The following GALNTL6 variants were observed in gnomAD, a reference collection of about 807,000 sequenced individuals.
The protein encoded by GALNTL6 is polypeptide N-acetylgalactosaminyltransferase like 6.
A neutral mutation model predicts 73.7 loss-of-function variants in GALNTL6; 46 were observed. The ratio of observed to expected loss-of-function variants is 0.62; its 90% confidence interval spans 0.49 to 0.80. The LOEUF is 0.80. Among genes scored for constraint, GALNTL6 ranks in the 30% least tolerant of loss-of-function variants. GALNTL6 has a pLI of 0.00. For synonymous variants in GALNTL6, 259 were observed against 263.7 expected, an observed-to-expected ratio of 0.98 and a Z score of 0.17; for missense variants, 604 against 755.0, an observed-to-expected ratio of 0.80 and a Z score of 2.34.
intron 2 of GALNTL6, among the ~76,000 whole-genome samples, chr4:171,942,915 C>T (rs919270183): frequency 3.9e-5 from 6 of 152,164 alleles, no homozygotes; most frequent in Non-Finnish European, 8.8e-5. Flanking sequence ...CATGGCACAG[C>T]CCAGCCCTCA....
chr4:172,889,610 T>C (rs867534285), intron 8 of GALNTL6, among the ~76,000 whole-genome samples: 3 of 152,202 alleles, frequency 2.0e-5, no homozygotes, highest in African/African-American at 7.2e-5. Context: ...GAAGACTTCT[T>C]GATCATGGTG....
chr4:172,898,178 A>G (rs1746428255), intron 8 of GALNTL6, among the ~76,000 whole-genome samples: 1 of 152,172 alleles, frequency 6.6e-6, no homozygotes, highest in Non-Finnish European at 1.5e-5. Flanking sequence ...AAAAATACAA[A>G]TAACAGTGTA....
chr4:171,938,532 GA>G lies in GALNTL6; in HGVS notation c.138+123821del, dbSNP rs759121481. Among the ~76,000 whole-genome samples the G allele has an allele frequency of 2.0e-5, 3 of 151,990 alleles. No individual in the cohort carries two copies. The East Asian group carries it at 5.8e-4, about 29-fold the overall frequency. On this transcript the variant is annotated intron_variant, in intron 2 of 12. Transcript: ENST00000506823. ...TAAAGATATTGCTTTGGAGTTTCCA[GA>G]AAAAAATCATCTGTGTAAGTGTGAA... is the stretch of plus-strand genomic sequence containing the variant.
At chr4:172,093,421 T>C (rs1403717298) in intron 2 of GALNTL6, among the ~76,000 whole-genome samples, 9 of 152,156 alleles carry the variant, frequency 5.9e-5, no homozygotes, top group Admixed American at 5.9e-4. Flanking sequence ...CCTCATACCG[T>C]ATAACATTTT....
intron 2 of GALNTL6, among the ~76,000 whole-genome samples, chr4:171,855,858 A>G (rs2110870105): frequency 6.6e-6 from 1 of 152,332 alleles, no homozygotes; most frequent in East Asian, 1.9e-4. Flanking sequence ...ATCTAATGAC[A>G]TATGAAGTTG....
chr4:172,993,695 A>G (rs1331738704), intron 10 of GALNTL6, among the ~76,000 whole-genome samples: 1 of 152,168 alleles, frequency 6.6e-6, no homozygotes, highest in Non-Finnish European at 1.5e-5. Flanking sequence ...CTCTGTTATC[A>G]TTTTGTTTTG....
chr4:171,943,998 T>A (rs532413374), intron 2 of GALNTL6, among the ~76,000 whole-genome samples: 1 of 152,202 alleles, frequency 6.6e-6, no homozygotes, highest in East Asian at 1.9e-4. Flanking sequence ...GAACATATTA[T>A]ATCCTAAACT....
At chr4:173,031,557 T>A (rs1753461023) in intron 12 of GALNTL6, among the ~76,000 whole-genome samples, 1 of 152,090 alleles carries the variant, frequency 6.6e-6, no homozygotes, top group African/African-American at 2.4e-5. Flanking sequence ...AATAAGTGAA[T>A]CTAGCTTCCT....
chr4:172,290,973 G>A (rs1354029333), intron 3 of GALNTL6, among the ~76,000 whole-genome samples: 1 of 151,814 alleles, frequency 6.6e-6, no homozygotes. Flanking sequence ...GAATGAAAAG[G>A]AGAGCCACAC....
chr4:172,460,846 A>G (rs561824952), intron 5 of GALNTL6, among the ~76,000 whole-genome samples: 2 of 152,352 alleles, frequency 1.3e-5, no homozygotes, highest in Non-Finnish European at 2.9e-5. Flanking sequence ...ATACCATTTG[A>G]TCCAGCAATC....
At position 171,836,575 on chromosome 4, in the gene GALNTL6, C is replaced by T. The variant is rs181206391; in HGVS notation, c.138+21857C>T. 6.4e-3 allele frequency among the ~76,000 whole-genome samples: 971 copies of T among 152,210 alleles called. 6 individuals carry two copies. The highest frequency in any genetic ancestry group is 0.025 in the South Asian group (122 of 4,828). On this transcript the variant is annotated intron_variant, in intron 2 of 12. Coordinates refer to ENST00000506823, the MANE Select transcript of GALNTL6 (RefSeq NM_001034845.3). The stretch of plus-strand genomic sequence containing the variant: ...ATGCTCCTCCTTTCTAGTTCTCCAA[C>T]ATCATCGTAAATATGATATGATTGT...
chr4:172,373,333 A>T (rs1446999384), intron 5 of GALNTL6, among the ~76,000 whole-genome samples: 1 of 152,218 alleles, frequency 6.6e-6, no homozygotes, highest in African/African-American at 2.4e-5. Context: ...TTGAGAGAGC[A>T]GGGAATAGGG....
intron 2 of GALNTL6, among the ~76,000 whole-genome samples, chr4:171,999,098 A>G (rs1740590456): frequency 6.6e-6 from 1 of 152,138 alleles, no homozygotes; most frequent in African/African-American, 2.4e-5. Context: ...TCACTTTTCC[A>G]TTCCTGAAGC....
chr4:171,941,038 T>G (rs1416819930), intron 2 of GALNTL6, among the ~76,000 whole-genome samples: 2 of 151,946 alleles, frequency 1.3e-5, no homozygotes, highest in African/African-American at 4.8e-5. Context: ...ACCAGGAGAA[T>G]TAATAATCTA....
intron 2 of GALNTL6, among the ~76,000 whole-genome samples, chr4:171,859,703 C>G (rs1049088264): frequency 6.6e-6 from 1 of 152,170 alleles, no homozygotes; most frequent in Non-Finnish European, 1.5e-5. Context: ...ACAGCACATG[C>G]TAAGTGTCAT....
intron 5 of GALNTL6, among the ~76,000 whole-genome samples, chr4:172,736,971 T>G (rs1454950109): frequency 6.6e-6 from 1 of 152,202 alleles, no homozygotes. Flanking sequence ...CTTTCCACCA[T>G]GATTGTGAGG....
At chr4:172,279,997 A>G (rs575167277) in intron 3 of GALNTL6, among the ~76,000 whole-genome samples, 7 of 152,184 alleles carry the variant, frequency 4.6e-5, no homozygotes, top group Non-Finnish European at 1.0e-4. Context: ...TAACGTATGA[A>G]CCTGCTCCAC....
At chr4:172,637,556 A>G (rs1405168885) in intron 5 of GALNTL6, among the ~76,000 whole-genome samples, 1 of 152,194 alleles carries the variant, frequency 6.6e-6, no homozygotes, top group Admixed American at 6.6e-5. Flanking sequence ...CAAGTTTATT[A>G]TTGAAAGCAT....
intron 4 of GALNTL6, among the ~76,000 whole-genome samples, chr4:172,347,694 T>A (rs1741798151): frequency 2.0e-5 from 3 of 152,234 alleles, no homozygotes; most frequent in Admixed American, 1.3e-4. Flanking sequence ...ATGAATTTCA[T>A]GTTTTTACAC....
Sources: gnomAD v4.1 joint callset for allele counts (sites outside exome capture counted in the v4.1 genomes callset) on GRCh38, gnomAD v4.1.1 for gene constraint, MANE v1.5 for transcripts, NCBI Gene and HGNC (gene_info 2026-07-23, HGNC 2026-07-21) for gene names.